The following PDE4D variants were observed in gnomAD, a reference collection of about 807,000 sequenced individuals.
PDE4D encodes 3',5'-cyclic-AMP phosphodiesterase 4D.
Under a neutral mutation model 87.4 loss-of-function variants are expected in PDE4D, and 24 were observed. The ratio of observed to expected loss-of-function variants is 0.27; its 90% CI spans 0.20 to 0.39. The LOEUF (loss-of-function observed/expected upper bound fraction) is 0.39, where lower values mean the gene tolerates loss of function less well. Among genes scored for constraint, PDE4D ranks in the 10% least tolerant of loss-of-function variants. The pLI is 1.00. For synonymous variants in PDE4D, 384 were observed against 383.2 expected (o/e 1.00, Z -0.02); for missense variants, 714 against 1,041.0 (o/e 0.69, Z 4.32).
In PDE4D at chr5:60,376,314, A is replaced by G. The variant is rs1348056581; in HGVS notation, c.-90+111628T>C. ...CATCCTTATTTAACAGAAGCAAAAA[A>G]CAAAGGCCAGAGAAGAAAAGTAATG... On this transcript the variant is annotated intron_variant, in intron 1 of 16. Coordinates refer to the PDE4D transcript ENST00000502484. Among the ~76,000 whole-genome samples, 7 of 152,264 alleles carry G rather than the reference A, an allele frequency of 4.6e-5. No homozygotes were observed. The South Asian group carries it at 8.3e-4, about 18-fold the overall frequency.
At chr5:59,201,251 T>G (rs931306417) in intron 2 of PDE4D, among the ~76,000 whole-genome samples, 1 of 152,100 alleles carries the variant, frequency 6.6e-6, no homozygotes, top group African/African-American at 2.4e-5. Flanking sequence ...AAATGCTACA[T>G]GAGAAACTGG....
chr5:59,091,550 A>G (rs1237602348), intron 5 of PDE4D, among the ~76,000 whole-genome samples: 1 of 152,130 alleles, frequency 6.6e-6, no homozygotes, highest in African/African-American at 2.4e-5. Flanking sequence ...TATCTACAAG[A>G]TGAGTCCATT....
At chr5:60,313,406 ACC>A (rs1755232547) in intron 1 of PDE4D, among the ~76,000 whole-genome samples, 1 of 152,210 alleles carries the variant, frequency 6.6e-6, no homozygotes, top group African/African-American at 2.4e-5. Flanking sequence ...TCCTGAACAG[ACC>A]AATGACAAGT....
chr5:59,550,141 CT>C (rs1817874666), intron 1 of PDE4D, among the ~76,000 whole-genome samples: 1 of 151,790 alleles, frequency 6.6e-6, no homozygotes, highest in African/African-American at 2.4e-5. Context: ...AAAATGGGCT[CT>C]CATTTTATGT....
chr5:59,928,645 T>TA (rs1257397081), intron 3 of PDE4D, among the ~76,000 whole-genome samples: 1 of 152,110 alleles, frequency 6.6e-6, no homozygotes, highest in Admixed American at 6.6e-5. Context: ...GCCCCCTGGG[T>TA]ATCTATTTTG....
chr5:59,768,273 C>T (rs1177770118), intron 1 of PDE4D: 2 of 1,598,300 alleles, frequency 1.3e-6, no homozygotes, highest in African/African-American at 1.3e-5. Context: ...TGAAACGCCG[C>T]TGTTTGGGGA....
intron 1 of PDE4D, chr5:60,459,854 C>T (rs2150169123): frequency 1.6e-6 from 1 of 611,694 alleles, no homozygotes; most frequent in South Asian, 2.0e-5. Flanking sequence ...TTCTAGTAAT[C>T]TTTTCCTTCA....
intron 2 of PDE4D, among the ~76,000 whole-genome samples, chr5:60,136,906 A>G (rs1215974515): frequency 6.6e-6 from 1 of 151,948 alleles, no homozygotes; most frequent in African/African-American, 2.4e-5. Context: ...TCATCCCATT[A>G]CCCAGGTATT....
At chr5:59,630,595 TCAA>T (rs1831441822) in intron 1 of PDE4D, among the ~76,000 whole-genome samples, 3 of 152,198 alleles carry the variant, frequency 2.0e-5, no homozygotes, top group Non-Finnish European at 4.4e-5. Context: ...AAGAAACACT[TCAA>T]TTGGCAAAAA....
chr5:59,565,172 G>A (rs1820670972), intron 1 of PDE4D, among the ~76,000 whole-genome samples: 1 of 152,102 alleles, frequency 6.6e-6, no homozygotes, highest in Admixed American at 6.5e-5. Flanking sequence ...TCTGCAGAAG[G>A]AAAGAGAAGG....
chr5:59,403,178 T>A (rs59375134), intron 1 of PDE4D, among the ~76,000 whole-genome samples: 26 of 74,276 alleles, frequency 3.5e-4, no homozygotes, highest in Non-Finnish European at 6.8e-4. Context: ...GACAGACAGA[T>A]AGATAGATAG....
chr5:60,096,202 T>C (rs1230987977), intron 2 of PDE4D, among the ~76,000 whole-genome samples: 4 of 152,090 alleles, frequency 2.6e-5, no homozygotes, highest in African/African-American at 7.2e-5. Flanking sequence ...TTCTAGTTTT[T>C]CTTCTAGGGT....
rs1554063108 is a variant in PDE4D, at chr5:59,077,475, C to CTTCT, written c.809-38505_809-38504insAGAA. The stretch of plus-strand genomic sequence containing the variant: ...ATGGGCAACTGATTTTTTTTTTCTT[C>CTTCT]TTTTTTTTTTTTTTTTGAGACAGAG... On this transcript the variant is annotated intron_variant, in intron 5 of 14. Transcript: ENST00000340635. Among the ~76,000 whole-genome samples the CTTCT allele has an allele frequency of 2.8e-3, 373 of 130,952 alleles. 2 individuals carry two copies. The East Asian group carries it at 0.046, about 16-fold the overall frequency. 85.9% of individuals were successfully genotyped at this position (130,952 alleles called of 152,430 possible).
chr5:59,149,706 GTTTTT>G (rs76421367), intron 5 of PDE4D, among the ~76,000 whole-genome samples: 2 of 69,274 alleles, frequency 2.9e-5, no homozygotes, highest in African/African-American at 1.2e-4. Flanking sequence ...CTCTCCTCGA[GTTTTT>G]TTTTTTTTTT....
chr5:59,478,451 A>C (rs1582794203), intron 1 of PDE4D, among the ~76,000 whole-genome samples: 1 of 152,230 alleles, frequency 6.6e-6, no homozygotes, highest in East Asian at 1.9e-4. Context: ...TAAAAGGACA[A>C]CCTGTTTTTA....
At chr5:60,386,480 T>A (rs1762199889) in intron 1 of PDE4D, among the ~76,000 whole-genome samples, 1 of 152,304 alleles carries the variant, frequency 6.6e-6, no homozygotes. Context: ...TAGATACTCC[T>A]AAAAGGAAGA....
intron 1 of PDE4D, among the ~76,000 whole-genome samples, chr5:60,274,523 GC>G (rs1379515344): frequency 6.6e-6 from 1 of 152,118 alleles, no homozygotes; most frequent in Non-Finnish European, 1.5e-5. Flanking sequence ...ACCACGCCCA[GC>G]TAATTTTTGT....
At chr5:59,813,596 A>G (rs1212992723) in intron 1 of PDE4D, among the ~76,000 whole-genome samples, 1 of 152,222 alleles carries the variant, frequency 6.6e-6, no homozygotes, top group Non-Finnish European at 1.5e-5. Flanking sequence ...AGCCAATAAA[A>G]TTATTTTCAA....
At chr5:59,203,923 A>G (rs1318888842) in intron 2 of PDE4D, among the ~76,000 whole-genome samples, 1 of 152,134 alleles carries the variant, frequency 6.6e-6, no homozygotes, top group Admixed American at 6.5e-5. Context: ...AGGAGAAACA[A>G]TTTCAAGAGA....
Sources: allele counts gnomAD v4.1 joint callset (sites outside exome capture counted in the v4.1 genomes callset), GRCh38; gene constraint gnomAD v4.1.1; transcripts MANE v1.5; gene names NCBI Gene and HGNC (gene_info 2026-07-23, HGNC 2026-07-21).